The following EMP2 variants were observed in gnomAD, a reference collection of about 807,000 sequenced individuals.
EMP2 encodes the protein epithelial membrane protein 2.
In EMP2, 19 loss-of-function variants were observed where a neutral mutation model predicts 13.7. The ratio of observed to expected loss-of-function variants is 1.38; its 90% CI spans 0.97 to 2.03. The LOEUF (loss-of-function observed/expected upper bound fraction) is 2.03. Among genes scored for constraint, EMP2 ranks in the 30% most tolerant of loss-of-function variants. The pLI is 0.00. For missense variants in EMP2, 253 were observed against 220.7 expected, an observed-to-expected ratio of 1.15 and a Z score of -0.93; for synonymous variants, 97 against 84.7, an observed-to-expected ratio of 1.15 and a Z score of -0.80.
At chr16:10,567,743 A>G (rs1204403152) in intron 1 of EMP2, among the ~76,000 whole-genome samples, 1 of 152,150 alleles carries the variant, frequency 6.6e-6, no homozygotes, top group Non-Finnish European at 1.5e-5. Flanking sequence ...TCATACAGCA[A>G]ACCAAAGCTC....
rs530238017 is a variant in EMP2 at position 10,573,698 on chromosome 16, A to G, written c.-61+6851T>C. Among the ~76,000 whole-genome samples, 3 of 152,178 alleles carry G rather than the reference A, an allele frequency of 2.0e-5. No homozygotes were observed. In the South Asian group the frequency reaches 6.2e-4, roughly 31 times the overall value. ...CTTGAGATAAGATTGTATCCTTTCA[A>G]TCCAGTTCCTTCCCTACCACCCCAT... On this transcript the variant is annotated intron_variant, in intron 1 of 4. Coordinates refer to ENST00000359543, the MANE Select transcript of EMP2 (RefSeq NM_001424.6).
intron 3 of EMP2, among the ~76,000 whole-genome samples, chr16:10,540,096 G>A (rs960830810): frequency 1.3e-5 from 2 of 152,212 alleles, no homozygotes; most frequent in Admixed American, 6.5e-5. Context: ...AAGCTGGGAG[G>A]GGGTGCAGGA....
At chr16:10,571,473 A>T (rs1240104185) in intron 1 of EMP2, among the ~76,000 whole-genome samples, 2 of 152,172 alleles carry the variant, frequency 1.3e-5, no homozygotes, top group African/African-American at 4.8e-5. Context: ...ACAGGAAATC[A>T]GCATTCTATC....
Position 10,533,000 on chromosome 16 carries a change from C to T in EMP2, c.409G>A (p.Gly137Ser). 2 of 1,612,142 alleles carry T rather than the reference C, an allele frequency of 1.2e-6. No homozygotes were observed. The highest frequency in any genetic ancestry group is 1.7e-5 in the Admixed American group (1 of 59,766). The stretch of plus-strand genomic sequence containing the variant: ...AGGATGTAGGAGTAGCCGTAGCTGC[C>T]TTCTCTGGTCACGGGATAGAATTTC... ...NAKFYPVTREGSYGYSYILAW... is the reference protein window; with the variant it reads ...NAKFYPVTRESSYGYSYILAW... The change falls in exon 5 of 5, where the codon GGC becomes AGC. Residue 137 changes from glycine to serine, a missense_variant. Coordinates refer to ENST00000359543, the MANE Select transcript of EMP2 (RefSeq NM_001424.6).
intron 1 of EMP2, among the ~76,000 whole-genome samples, chr16:10,559,661 T>C (rs981787713): frequency 7.9e-5 from 12 of 152,246 alleles, no homozygotes; most frequent in Non-Finnish European, 2.9e-5. Flanking sequence ...ATGAAGGTTT[T>C]TAAATTAGCC....
At chr16:10,557,080 G>A (rs895763233) in intron 1 of EMP2, among the ~76,000 whole-genome samples, 3 of 152,152 alleles carry the variant, frequency 2.0e-5, no homozygotes, top group African/African-American at 7.2e-5. Context: ...CTTTAGGCTG[G>A]GTGCAGTGGC....
chr16:10,552,394 T>A (rs1473304088), intron 1 of EMP2, among the ~76,000 whole-genome samples: 1 of 152,222 alleles, frequency 6.6e-6, no homozygotes, highest in African/African-American at 2.4e-5. Flanking sequence ...ATTAAAATGT[T>A]ATAAGGCATG....
chr16:10,558,325 C>T (rs963366762), intron 1 of EMP2, among the ~76,000 whole-genome samples: 1 of 152,196 alleles, frequency 6.6e-6, no homozygotes, highest in Non-Finnish European at 1.5e-5. Context: ...GGGTGCCCAG[C>T]TGGAGTTTCA....
At chr16:10,549,550 A>T (rs1332269797) in intron 1 of EMP2, among the ~76,000 whole-genome samples, 1 of 152,188 alleles carries the variant, frequency 6.6e-6, no homozygotes, top group Non-Finnish European at 1.5e-5. Context: ...TAATATCAAC[A>T]CTTGGTTCAT....
At chr16:10,545,536 C>A (rs1596372389) in intron 2 of EMP2, 1 of 152,750 alleles carries the variant, frequency 6.5e-6, no homozygotes, top group Non-Finnish European at 1.5e-5. Flanking sequence ...ACCTTGTGAA[C>A]TGTGCATGCC....
rs561071746 is a variant in EMP2 at position 10,561,341 on chromosome 16, C to T, written c.-60-13664G>A. Among the ~76,000 whole-genome samples the T allele has an allele frequency of 2.1e-4, 32 of 152,210 alleles. 1 individual carries two copies. In the South Asian group the frequency reaches 4.6e-3, roughly 22 times the overall value. On this transcript the variant is annotated intron_variant, in intron 1 of 4. Coordinates refer to ENST00000359543, the MANE Select transcript of EMP2 (RefSeq NM_001424.6). ...GTCAGGACTGTCACTCAGGAGAAAA[C>T]GGGCTAGAACCAGGAATCCTGGTGT...
intron 1 of EMP2, among the ~76,000 whole-genome samples, chr16:10,568,498 C>T (rs1012988225): frequency 1.3e-5 from 2 of 152,206 alleles, no homozygotes; most frequent in Non-Finnish European, 2.9e-5. Flanking sequence ...ATTTTCCCAA[C>T]ACCAAGACCC....
In EMP2 at chr16:10,528,640, A is replaced by T. The variant is rs1397809925; in HGVS notation, c.*4265T>A. ...TTATACAAAACATAGAAAATGGACTATTTTAAAGGTACATTAAGTAGAAAG... is the reference window on the plus strand; with the variant it reads ...TTATACAAAACATAGAAAATGGACTTTTTTAAAGGTACATTAAGTAGAAAG... On this transcript the variant is annotated 3_prime_UTR_variant, in exon 5 of 5. Coordinates refer to ENST00000359543, the MANE Select transcript of EMP2 (RefSeq NM_001424.6). 1.3e-5 allele frequency: 2 copies of T among 152,216 alleles called. No individual in the cohort carries two copies. Among genetic ancestry groups the T allele is most frequent in the Non-Finnish European group, 2.9e-5 (2 of 68,030 alleles). The allele number at this position is 152,216 out of a possible 1,614,324, so 9.4% of individuals were successfully genotyped here.
rs2050718032 is a variant in EMP2 at position 10,543,635 on chromosome 16, A to G, written c.104T>C (p.Phe35Ser). The G allele has an allele frequency of 6.2e-7, 1 of 1,614,118 alleles. No homozygotes were observed. The highest frequency in any genetic ancestry group is 1.7e-5 in the Admixed American group (1 of 60,008). Reference protein sequence around the residue: ...DNAWWVGDEFFADVWRICTNN... With the variant: ...DNAWWVGDEFSADVWRICTNN... Reference sequence around the variant, plus strand: ...GGTACATATTCTCCAGACATCTGCAAAAAACTCATCTCCTACCCACCAGGC... The same window carrying G: ...GGTACATATTCTCCAGACATCTGCAGAAAACTCATCTCCTACCCACCAGGC... Residue 35 changes from phenylalanine to serine, a missense_variant, in exon 3 of 5, where the codon TTT (phenylalanine) becomes TCT (serine). By Grantham distance (155) the Phe-to-Ser change is radical. Transcript: ENST00000359543.
rs1002875990 is a variant in EMP2 at position 10,577,976 on chromosome 16, C to T, written c.-61+2573G>A. On this transcript the variant is annotated intron_variant, in intron 1 of 4. Transcript: ENST00000359543. ...CCCCCCCACACACAATTATCTGACCCCCCCCTCCCGGCAAAAGGAGGGAGG... is the reference window on the plus strand; with the variant it reads ...CCCCCCCACACACAATTATCTGACCTCCCCCTCCCGGCAAAAGGAGGGAGG... 2.1e-5 allele frequency: 3 copies of T among 139,788 alleles called. No individual in the cohort carries two copies. The South Asian group carries it at 8.1e-4, about 38-fold the overall frequency. The allele number at this position is 139,788 out of a possible 1,614,324, so 8.7% of individuals were successfully genotyped here. A position where few individuals can be genotyped will look rare whatever the true frequency, so the allele number is the denominator to read the frequency against.
intron 3 of EMP2, among the ~76,000 whole-genome samples, chr16:10,541,160 T>C (rs540287801): frequency 2.0e-5 from 3 of 151,900 alleles, no homozygotes; most frequent in East Asian, 3.9e-4. Flanking sequence ...CCCAGCACTT[T>C]GGGAGGCCAA....
In EMP2 at chr16:10,560,767, TG is replaced by T. The variant is rs1241795548; in HGVS notation, c.-60-13091del. Among the ~76,000 whole-genome samples the T allele has an allele frequency of 2.6e-5, 4 of 151,882 alleles. No individual in the cohort carries two copies. The East Asian group carries it at 7.8e-4, about 30-fold the overall frequency. On this transcript the variant is annotated intron_variant, in intron 1 of 4. Transcript: ENST00000359543. ...GGGTCTCTAAGGATGGGCGGAGTGG[TG>T]GGGAGAGGGTGTCACAGGCAAGGAG...
rs940207489 is a variant in EMP2 at position 10,543,721 on chromosome 16, C to T, written c.79-61G>A. ...CCGTTCATGATGCAAACACTGACTGCTAATTAGGCACGAGGCATGGTGGGC... is the reference window on the plus strand; with the variant it reads ...CCGTTCATGATGCAAACACTGACTGTTAATTAGGCACGAGGCATGGTGGGC... On this transcript the variant is annotated intron_variant, in intron 2 of 4. Transcript: ENST00000359543. The T allele has an allele frequency of 1.2e-5, 19 of 1,523,496 alleles. No homozygotes were observed. The African/African-American group carries it at 1.9e-4, about 15-fold the overall frequency. 94.4% of individuals were successfully genotyped at this position (1,523,496 alleles called of 1,614,324 possible).
At chr16:10,554,696 C>G (rs1431585022) in intron 1 of EMP2, among the ~76,000 whole-genome samples, 2 of 152,136 alleles carry the variant, frequency 1.3e-5, no homozygotes, top group African/African-American at 4.8e-5. Context: ...CACACCCCAA[C>G]CCCTATGCCT....
Sources: gnomAD v4.1 joint callset for allele counts (sites outside exome capture counted in the v4.1 genomes callset) on GRCh38, gnomAD v4.1.1 for gene constraint, MANE v1.5 for transcripts, NCBI Gene and HGNC (gene_info 2026-07-23, HGNC 2026-07-21) for gene names.